The following PPFIA2 variants were observed in gnomAD, a reference collection of about 807,000 sequenced individuals.
PPFIA2 encodes PPFI scaffold protein A2.
PPFIA2 carries 46 observed loss-of-function variants against 175.5 expected under a neutral mutation model. The observed-to-expected ratio is 0.26, with a 90% confidence interval of 0.21 to 0.34. The LOEUF is 0.34. PPFIA2 is among the 10% of genes least tolerant of loss of function. PPFIA2 has a pLI of 1.00. For synonymous variants in PPFIA2, 568 were observed against 511.4 expected (o/e 1.11, Z -1.49); for missense variants, 1,179 against 1,506.1 (o/e 0.78, Z 3.60).
At chr12:81,439,232 G>A (rs2049692129) in intron 7 of PPFIA2, among the ~76,000 whole-genome samples, 1 of 147,880 alleles carries the variant, frequency 6.8e-6, no homozygotes, top group South Asian at 2.1e-4. Flanking sequence ...TCAATAAAAT[G>A]TACCACACTG....
intron 27 of PPFIA2, chr12:81,279,250 TCAGAAGAAACCAGACCTG>T (rs1275516357): frequency 1.3e-5 from 2 of 152,132 alleles, no homozygotes; most frequent in African/African-American, 4.8e-5. Flanking sequence ...GAGAGAGGCC[TCAGAAGAAACCAGACCTG>T]CTGATTCCTT....
intron 3 of PPFIA2, among the ~76,000 whole-genome samples, chr12:81,683,989 C>T (rs1026351902): frequency 1.3e-5 from 2 of 151,968 alleles, no homozygotes; most frequent in East Asian, 1.9e-4. Flanking sequence ...CCACTCACCC[C>T]CAAGGGAGGG....
At chr12:81,367,227 A>G in intron 13 of PPFIA2, 57 bp from the exon 14 acceptor site, 1 of 1,098,414 alleles carries the variant, frequency 9.1e-7, no homozygotes, top group Non-Finnish European at 1.2e-6. Context: ...ATACTTAAAA[A>G]TATATTGATT....
At chr12:81,426,902 C>T (rs2047224732) in intron 7 of PPFIA2, among the ~76,000 whole-genome samples, 1 of 151,984 alleles carries the variant, frequency 6.6e-6, no homozygotes, top group African/African-American at 2.4e-5. Flanking sequence ...ATACTGAAGT[C>T]TATACTGTGA....
At chr12:81,382,956 G>A (rs936814162) in intron 9 of PPFIA2, among the ~76,000 whole-genome samples, 15 of 152,072 alleles carry the variant, frequency 9.9e-5, no homozygotes, top group African/African-American at 3.6e-4. Flanking sequence ...AGGAGCCTTC[G>A]AAGAGGTAAG....
At chr12:81,638,987 T>C (rs1449557464) in intron 4 of PPFIA2, among the ~76,000 whole-genome samples, 2 of 152,186 alleles carry the variant, frequency 1.3e-5, no homozygotes, top group Non-Finnish European at 2.9e-5. Context: ...GCGCCCGGCC[T>C]GTTTTGTCAT....
chr12:81,268,669 G>GT (rs1565818476), intron 28 of PPFIA2, among the ~76,000 whole-genome samples: 1 of 152,170 alleles, frequency 6.6e-6, no homozygotes, highest in African/African-American at 2.4e-5. Context: ...CGATGTCTGT[G>GT]TTTCTTGTTT....
chr12:81,697,722 A>G (rs927501551), intron 3 of PPFIA2, among the ~76,000 whole-genome samples: 8 of 152,206 alleles, frequency 5.3e-5, no homozygotes, highest in Admixed American at 1.3e-4. Context: ...TATTTAGAAC[A>G]TTTCCTCTAG....
intron 30 of PPFIA2, among the ~76,000 whole-genome samples, chr12:81,266,054 A>G (rs901376943): frequency 2.0e-5 from 3 of 152,158 alleles, no homozygotes; most frequent in African/African-American, 7.2e-5. Flanking sequence ...TATAATCCCC[A>G]CCATAAAGGA....
chr12:81,658,501 G>GT (rs2068167398), intron 4 of PPFIA2, among the ~76,000 whole-genome samples: 1 of 149,712 alleles, frequency 6.7e-6, no homozygotes. Context: ...TCATCCATCT[G>GT]TTTTTTCCAG....
chr12:81,276,497 G>A (rs1057241947), intron 28 of PPFIA2, among the ~76,000 whole-genome samples: 5 of 150,870 alleles, frequency 3.3e-5, no homozygotes, highest in African/African-American at 4.9e-5. Flanking sequence ...AAAATAGAAC[G>A]GTCTCTAAGA....
chr12:81,332,134 C>T (rs1260937340), intron 21 of PPFIA2, among the ~76,000 whole-genome samples: 7 of 151,998 alleles, frequency 4.6e-5, no homozygotes, highest in African/African-American at 1.4e-4. Context: ...TTAACTCTCA[C>T]TTCTGCTTGG....
At chr12:81,488,654 CTCT>C (rs2059103473) in intron 4 of PPFIA2, among the ~76,000 whole-genome samples, 1 of 151,798 alleles carries the variant, frequency 6.6e-6, no homozygotes, top group Non-Finnish European at 1.5e-5. Flanking sequence ...ATTTGGAAAA[CTCT>C]TCTTCATTCT....
intron 4 of PPFIA2, among the ~76,000 whole-genome samples, chr12:81,658,523 T>C (rs2068177105): frequency 6.6e-6 from 1 of 152,012 alleles, no homozygotes; most frequent in African/African-American, 2.4e-5. Context: ...AAAACATCTA[T>C]CTTTGATAAA....
intron 3 of PPFIA2, among the ~76,000 whole-genome samples, chr12:81,682,369 A>C (rs2073795660): frequency 6.6e-6 from 1 of 152,100 alleles, no homozygotes; most frequent in African/African-American, 2.4e-5. Context: ...AACTGTGAGA[A>C]AATACATTTA....
At chr12:81,406,865 A>G (rs1254938789) in intron 7 of PPFIA2, among the ~76,000 whole-genome samples, 1 of 152,206 alleles carries the variant, frequency 6.6e-6, no homozygotes, top group Non-Finnish European at 1.5e-5. Flanking sequence ...TTACAAGACC[A>G]ACATGTCACA....
chr12:81,308,702 G>A (rs1033391814), intron 22 of PPFIA2, among the ~76,000 whole-genome samples: 1 of 151,934 alleles, frequency 6.6e-6, no homozygotes, highest in Non-Finnish European at 1.5e-5. Context: ...CCTTCTTATT[G>A]TCACACATTT....
intron 4 of PPFIA2, among the ~76,000 whole-genome samples, chr12:81,605,675 CTA>C (rs1567544154): frequency 6.6e-6 from 1 of 150,658 alleles, no homozygotes; most frequent in African/African-American, 2.4e-5. Flanking sequence ...ATCTATCTAT[CTA>C]TCTATCTATC....
At chr12:81,473,219 C>G (rs1471664741) in intron 4 of PPFIA2, among the ~76,000 whole-genome samples, 2 of 152,206 alleles carry the variant, frequency 1.3e-5, no homozygotes, top group South Asian at 2.1e-4. Flanking sequence ...ACCAGCCTGG[C>G]CAACATGGTG....
Sources: gnomAD v4.1 joint callset for allele counts (sites outside exome capture counted in the v4.1 genomes callset) on GRCh38, gnomAD v4.1.1 for gene constraint, MANE v1.5 for transcripts, NCBI Gene and HGNC (gene_info 2026-07-23, HGNC 2026-07-21) for gene names.